Variants in NUP214 observed in about 807,000 individuals in gnomAD.
The protein encoded by NUP214 is nucleoporin 214, also known as nuclear pore complex protein Nup214.
In NUP214, 79 loss-of-function variants were observed where a neutral mutation model predicts 196.2. The observed-to-expected ratio is 0.40, with a 90% CI of 0.34 to 0.49. The LOEUF (loss-of-function observed/expected upper bound fraction) is 0.49. Ranked by LOEUF, NUP214 falls within the 20% of genes least tolerant of loss-of-function variation. The pLI is 0.58. For missense variants in NUP214, 2,468 were observed against 2,539.0 expected (o/e 0.97, Z 0.60); for synonymous variants, 1,020 against 990.5 (o/e 1.03, Z -0.56).
intron 17 of NUP214, among the ~76,000 whole-genome samples, chr9:131,152,670 A>G (rs969837304): frequency 6.6e-6 from 1 of 152,190 alleles, no homozygotes; most frequent in South Asian, 2.1e-4. Flanking sequence ...TAAATTTCAT[A>G]GGCTAAGTAG....
intron 10 of NUP214, among the ~76,000 whole-genome samples, chr9:131,140,147 T>A (rs1190484113): frequency 1.3e-5 from 2 of 152,192 alleles, no homozygotes; most frequent in African/African-American, 4.8e-5. Flanking sequence ...TGTCCTACTG[T>A]CCATTCCAAA....
rs1832090640 is a variant in NUP214, at chr9:131,146,512, A to G, written c.1945+208A>G. On this transcript the variant is annotated intron_variant, in intron 13 of 35. Coordinates refer to ENST00000359428, the MANE Select transcript of NUP214 (RefSeq NM_005085.4). This position sits in a 1 kb window ranked among gnomAD's most constrained non-coding sequence, Gnocchi z 4.6. ...AAATGCTGCCACTCTTCTCTCTGACACTTCTTATGGAGCTAAGTGTATTTA... is the reference window on the plus strand; with the variant it reads ...AAATGCTGCCACTCTTCTCTCTGACGCTTCTTATGGAGCTAAGTGTATTTA... 6.6e-6 allele frequency among the ~76,000 whole-genome samples: 1 copy of G among 152,198 alleles called. No homozygotes were observed. The highest frequency in any genetic ancestry group is 1.5e-5 in the Non-Finnish European group (1 of 68,030).
At position 131,135,923 on chromosome 9, in the gene NUP214, T is replaced by C. The variant is rs1185552418; in HGVS notation, c.939-17T>C. 6.2e-7 allele frequency: 1 copy of C among 1,610,330 alleles called. No homozygotes were observed. Among genetic ancestry groups the C allele is most frequent in the South Asian group, 1.1e-5 (1 of 90,876 alleles). ...TGCTGTATTTGAACGTAATGGTCTCTGGTTTTATTCTTTAAGGGATTTAGT... is the reference window on the plus strand; with the variant it reads ...TGCTGTATTTGAACGTAATGGTCTCCGGTTTTATTCTTTAAGGGATTTAGT... On this transcript the variant is annotated splice_polypyrimidine_tract_variant and intron_variant, in intron 8 of 35. Coordinates refer to ENST00000359428, the MANE Select transcript of NUP214 (RefSeq NM_005085.4).
chr9:131,171,268 G>A lies in NUP214; in HGVS notation c.2894-2787G>A, dbSNP rs116935018. Among the ~76,000 whole-genome samples the A allele has an allele frequency of 1.5e-3, 228 of 152,320 alleles. 3 individuals are homozygous for A. The highest frequency in any genetic ancestry group is 0.014 in the East Asian group (72 of 5,184). The stretch of plus-strand genomic sequence containing the variant: ...AGGTAAATTGCCTCAGAAAGGTGAA[G>A]GAAGGAACTAAGAGTACCTTCATGT... On this transcript the variant is annotated intron_variant, in intron 21 of 35. Transcript: ENST00000359428.
chr9:131,150,891 C>A, intron 16 of NUP214, 126 bp downstream of exon 16: 1 of 879,570 alleles, frequency 1.1e-6, no homozygotes, highest in Non-Finnish European at 1.7e-6. Context: ...TTTAACGTGG[C>A]TGAGTAGCTT....
At chr9:131,175,773 A>G in intron 23 of NUP214, 152 bp downstream of exon 23, 4 of 1,153,308 alleles carry the variant, frequency 3.5e-6, no homozygotes, top group Non-Finnish European at 4.6e-6. Flanking sequence ...TTGTGGAGAG[A>G]GTTCTAAGAA....
In NUP214 at chr9:131,197,519, C is replaced by T; in HGVS notation, c.4025C>T (p.Ala1342Val). 1 of 1,614,200 alleles carries T rather than the reference C, an allele frequency of 6.2e-7. No individual in the cohort carries two copies. The highest frequency in any genetic ancestry group is 8.5e-7 in the Non-Finnish European group (1 of 1,180,034). Residue 1342 changes from alanine to valine, a missense_variant, in exon 29 of 36, where the codon GCA (alanine) becomes GTA (valine). By Grantham distance (64) the Ala-to-Val change is moderately conservative. Transcript: ENST00000359428. The stretch of plus-strand genomic sequence containing the variant: ...TTTTCAGGACTGCGGGTTGGCCAAG[C>T]AGATGATTCTACAAAACCAACCAAT... ...GSFSGLRVGQADDSTKPTNKA... is the reference protein window; with the variant it reads ...GSFSGLRVGQVDDSTKPTNKA...
chr9:131,230,379 G>A (rs1030525090), intron 33 of NUP214: 3 of 493,516 alleles, frequency 6.1e-6, no homozygotes, highest in Non-Finnish European at 1.1e-5. Flanking sequence ...TCCAATGGGG[G>A]ATGGAAACTA....
Position 131,232,416 on chromosome 9 carries a change from T to A in NUP214, c.6239+108T>A. ...CATTTTCTTTTCGTTTTTTCCTGTT[T>A]TTAGAGTTTGTCCTGGAAGTGTGGG... On this transcript the variant is annotated intron_variant, in intron 35 of 35. Coordinates refer to ENST00000359428, the MANE Select transcript of NUP214 (RefSeq NM_005085.4). This position sits in a 1 kb window ranked among gnomAD's most constrained non-coding sequence, Gnocchi z 5.1. 8.2e-7 allele frequency: 1 copy of A among 1,223,210 alleles called. No individual in the cohort carries two copies. Among genetic ancestry groups the A allele is most frequent in the Non-Finnish European group, 1.2e-6 (1 of 829,356 alleles). The allele number at this position is 1,223,210 out of a possible 1,614,324, so 75.8% of individuals were successfully genotyped here. A position where few individuals can be genotyped will look rare whatever the true frequency, so the allele number is the denominator to read the frequency against.
intron 23 of NUP214, 25 bp downstream of exon 23, chr9:131,175,646 T>C: frequency 6.2e-7 from 1 of 1,606,802 alleles, no homozygotes; most frequent in Non-Finnish European, 8.5e-7. Flanking sequence ...CCCATACCTG[T>C]ACAGAGGCTG....
At position 131,125,654 on chromosome 9, in the gene NUP214, C is replaced by T. The variant is rs558403293; in HGVS notation, c.-51C>T. The stretch of plus-strand genomic sequence containing the variant: ...TGTCGAGCGGCCTGGGTTCCGTGGG[C>T]AAGGCCGTGGGAGGCAGCGTTGGCT... On this transcript the variant is annotated 5_prime_UTR_variant, in exon 1 of 36. Coordinates refer to ENST00000359428, the MANE Select transcript of NUP214 (RefSeq NM_005085.4). The surrounding 1 kb of genome is among the most constrained non-coding windows in gnomAD (Gnocchi z 4.1). The T allele has an allele frequency of 1.4e-5, 21 of 1,544,070 alleles. No individual in the cohort carries two copies. The South Asian group carries it at 2.5e-4, about 18-fold the overall frequency.
Position 131,125,610 on chromosome 9 carries a change from C to CTGAGGGGAGGAAGTTTGCTGT in NUP214, c.-94_-74dup. 6.5e-7 allele frequency: 1 copy of CTGAGGGGAGGAAGTTTGCTGT among 1,538,846 alleles called. No individual in the cohort carries two copies. The highest frequency in any genetic ancestry group is 8.8e-7 in the Non-Finnish European group (1 of 1,141,146). ...CGAGGTCAACTGCGCGCCGCTGGCG[C>CTGAGGGGAGGAAGTTTGCTGT]TGAGGGGAGGAAGTTTGCTGTCGAG... On this transcript the variant is annotated 5_prime_UTR_variant, in exon 1 of 36. Coordinates refer to ENST00000359428, the MANE Select transcript of NUP214 (RefSeq NM_005085.4). This position sits in a 1 kb window ranked among gnomAD's most constrained non-coding sequence, Gnocchi z 4.1.
At chr9:131,164,270 G>C in intron 21 of NUP214, 126 bp downstream of exon 21, 1 of 770,388 alleles carries the variant, frequency 1.3e-6, no homozygotes, top group East Asian at 2.6e-5. Flanking sequence ...GTAAGTGTGT[G>C]TGTGTTGGTT....
Position 131,198,985 on chromosome 9 carries a change from A to G in NUP214, c.5491A>G (p.Thr1831Ala), listed in dbSNP as rs751425035. 1 of 1,604,606 alleles carries G rather than the reference A, an allele frequency of 6.2e-7. No homozygotes were observed. Among genetic ancestry groups the G allele is most frequent in the Admixed American group, 1.7e-5 (1 of 58,814 alleles). The change falls in exon 29 of 36, where the codon ACC becomes GCC. Residue 1831 changes from threonine (T) to alanine (A), a missense_variant. Coordinates refer to ENST00000359428, the MANE Select transcript of NUP214 (RefSeq NM_005085.4). ...GTSAATTTAATSGFSFCQASG... is the reference protein window; with the variant it reads ...GTSAATTTAAASGFSFCQASG... ...CTCAGCTGCCACCACAACAGCAGCA[A>G]CCTCTGGGTTCAGCTTTTGCCAAGC... is the stretch of plus-strand genomic sequence containing the variant.
chr9:131,144,653 C>G lies in NUP214; in HGVS notation c.1668C>G (p.Thr556=), dbSNP rs1832030771. Residue 556 remains threonine (T), a synonymous_variant, in exon 12 of 36, where the codon ACC becomes ACG. Transcript: ENST00000359428. ...FSFGSSGFKP[T]LESTPVPSVS... is the part of the protein sequence containing the mutation. ...TTGGATCATCTGGTTTTAAGCCTAC[C>G]CTGGAAAGCACACCAGTGCCAAGTG... 6.2e-7 allele frequency: 1 copy of G among 1,614,136 alleles called. No individual in the cohort carries two copies. Among genetic ancestry groups the G allele is most frequent in the African/African-American group, 1.3e-5 (1 of 75,026 alleles).
intron 21 of NUP214, 69 bp from the exon 22 acceptor site, chr9:131,173,984 CAG>C: frequency 6.7e-7 from 1 of 1,487,078 alleles, no homozygotes; most frequent in Admixed American, 2.2e-5. Flanking sequence ...TTTTTATCAA[CAG>C]TGAAAATTAC....
intron 30 of NUP214, among the ~76,000 whole-genome samples, chr9:131,208,395 A>G (rs1834142007): frequency 6.6e-6 from 1 of 152,242 alleles, no homozygotes; most frequent in Non-Finnish European, 1.5e-5. Flanking sequence ...TTTTTCAGCC[A>G]TAAAAAGGAG....
chr9:131,217,410 A>T (rs1834434222), intron 31 of NUP214, among the ~76,000 whole-genome samples: 1 of 152,244 alleles, frequency 6.6e-6, no homozygotes, highest in Non-Finnish European at 1.5e-5. Context: ...ACTCTTAAGT[A>T]GCATCCTGAT....
chr9:131,204,280 G>A (rs1272234258), intron 30 of NUP214, among the ~76,000 whole-genome samples: 1 of 152,212 alleles, frequency 6.6e-6, no homozygotes, highest in Non-Finnish European at 1.5e-5. Context: ...CTTAAGAAGT[G>A]TCATAGCAAA....
Sources: allele counts gnomAD v4.1 joint callset (sites outside exome capture counted in the v4.1 genomes callset), GRCh38; gene constraint gnomAD v4.1.1; non-coding constraint Gnocchi (gnomAD v3.1); transcripts MANE v1.5; gene names NCBI Gene and HGNC (gene_info 2026-07-23, HGNC 2026-07-21).